The following SAMD5 variants were observed in gnomAD, a reference collection of about 807,000 sequenced individuals.
SAMD5 encodes sterile alpha motif domain containing 5, also known as sterile alpha motif domain-containing protein 5.
A neutral mutation model predicts 11.3 loss-of-function variants in SAMD5; 13 were observed. The observed-to-expected ratio is 1.15, with a 90% CI of 0.75 to 1.83. The LOEUF (loss-of-function observed/expected upper bound fraction) is 1.83. SAMD5 is among the 40% of genes most tolerant of loss of function. SAMD5 has a pLI of 0.00. For synonymous variants in SAMD5, 129 were observed against 111.3 expected (o/e 1.16, Z -1.00); for missense variants, 255 against 239.1 (o/e 1.07, Z -0.44).
chr6:147,598,147 C>A (rs1282953106), intron 1 of SAMD5, among the ~76,000 whole-genome samples: 2 of 150,778 alleles, frequency 1.3e-5, no homozygotes, highest in African/African-American at 4.9e-5. Flanking sequence ...ATTTTTGAGG[C>A]AAGGTCTGGC....
intron 1 of SAMD5, among the ~76,000 whole-genome samples, chr6:147,712,066 T>C (rs1313405656): frequency 2.0e-5 from 3 of 152,204 alleles, no homozygotes. Context: ...GATTGGAAAC[T>C]ATAAGAATTT....
chr6:147,846,019 A>G, the SAMD5 span, among the ~76,000 whole-genome samples: 1 of 152,144 alleles, frequency 6.6e-6, no homozygotes, highest in African/African-American at 2.4e-5. Context: ...CAGTTCATCC[A>G]TACTGTGGGA....
At chr6:147,941,810 T>G in the SAMD5 span, among the ~76,000 whole-genome samples, 1 of 152,138 alleles carries the variant, frequency 6.6e-6, no homozygotes. Context: ...TGGAAGTTAA[T>G]TTAGAATATT....
intron 1 of SAMD5, among the ~76,000 whole-genome samples, chr6:147,729,098 C>T (rs112949478): frequency 3.3e-5 from 5 of 152,266 alleles, no homozygotes; most frequent in East Asian, 1.9e-4. Context: ...GGCTTGCTGA[C>T]GGCAGCCCTC....
At chr6:147,931,587 C>T in the SAMD5 span, among the ~76,000 whole-genome samples, 471 of 151,876 alleles carry the variant, frequency 3.1e-3, 4 homozygotes, top group African/African-American at 0.011. Flanking sequence ...GTCACATTGA[C>T]GAATGCATTT....
At chr6:147,642,638 C>T (rs1562340822) in intron 1 of SAMD5, among the ~76,000 whole-genome samples, 1 of 152,138 alleles carries the variant, frequency 6.6e-6, no homozygotes, top group African/African-American at 2.4e-5. Flanking sequence ...CTTTCATTTT[C>T]CAGATAAGAA....
the SAMD5 span, among the ~76,000 whole-genome samples, chr6:147,845,927 G>A: frequency 6.6e-6 from 1 of 152,158 alleles, no homozygotes; most frequent in African/African-American, 2.4e-5. Context: ...AAGCATGGAT[G>A]TTCACAGAAA....
the SAMD5 span, among the ~76,000 whole-genome samples, chr6:147,902,372 C>T: frequency 6.6e-6 from 1 of 151,756 alleles, no homozygotes; most frequent in Non-Finnish European, 1.5e-5. Context: ...TTGAAAAATT[C>T]TTTGTTCCGC....
chr6:147,538,544 A>G (rs889119815), intron 1 of SAMD5, among the ~76,000 whole-genome samples: 1 of 152,200 alleles, frequency 6.6e-6, no homozygotes, highest in Admixed American at 6.5e-5. Context: ...GTGATTTTTA[A>G]CTATATACCG....
At chr6:147,633,643 A>G (rs1378064075) in intron 1 of SAMD5, among the ~76,000 whole-genome samples, 5 of 151,554 alleles carry the variant, frequency 3.3e-5, no homozygotes, top group Non-Finnish European at 7.4e-5. Flanking sequence ...CATGCAAAGT[A>G]TTGAACCCAA....
chr6:147,537,787 G>C (rs1281370462), intron 1 of SAMD5, among the ~76,000 whole-genome samples: 1 of 151,262 alleles, frequency 6.6e-6, no homozygotes, highest in African/African-American at 2.4e-5. Context: ...CCTTTTCTCT[G>C]ATAGAGGAGA....
chr6:147,939,566 T>C, the SAMD5 span, among the ~76,000 whole-genome samples: 4 of 152,154 alleles, frequency 2.6e-5, no homozygotes, highest in Non-Finnish European at 5.9e-5. Context: ...AGACAAAATA[T>C]GTATTTATCA....
the SAMD5 span, among the ~76,000 whole-genome samples, chr6:147,820,035 A>G: frequency 3.9e-5 from 6 of 152,126 alleles, no homozygotes; most frequent in African/African-American, 1.4e-4. Context: ...AGCATTTCCA[A>G]AGTCTATGGG....
chr6:147,737,976 C>T (rs1050024208), downstream of SAMD5, among the ~76,000 whole-genome samples: 4 of 151,952 alleles, frequency 2.6e-5, no homozygotes, highest in African/African-American at 7.3e-5. Flanking sequence ...AAAACAATAA[C>T]AGTTAAGATC....
Position 147,653,783 on chromosome 6 carries a change from C to T in SAMD5, c.163-83534C>T, listed in dbSNP as rs534440929. Among the ~76,000 whole-genome samples, 16 of 152,102 alleles carry T rather than the reference C, an allele frequency of 1.1e-4. No individual in the cohort carries two copies. The East Asian group carries it at 2.1e-3, about 20-fold the overall frequency. On this transcript the variant is annotated intron_variant, in intron 1 of 1. Coordinates refer to the SAMD5 transcript ENST00000566741. Reference sequence around the variant, plus strand: ...GCTTTGTTTTTTGTTTTTTCTGTTTCGATATGAAGCTGCTTTGTTCTTTCC... The same window carrying T: ...GCTTTGTTTTTTGTTTTTTCTGTTTTGATATGAAGCTGCTTTGTTCTTTCC...
chr6:147,599,456 A>G (rs1354099584), intron 1 of SAMD5, among the ~76,000 whole-genome samples: 2 of 152,246 alleles, frequency 1.3e-5, no homozygotes, highest in Non-Finnish European at 2.9e-5. Context: ...ATTCTAATCT[A>G]ATCTAGCCAT....
chr6:147,891,406 T>C, the SAMD5 span, among the ~76,000 whole-genome samples: 1 of 152,162 alleles, frequency 6.6e-6, no homozygotes. Flanking sequence ...GTGGATATCA[T>C]GTGGCATACT....
chr6:147,786,476 T>C, the SAMD5 span, among the ~76,000 whole-genome samples: 1 of 152,236 alleles, frequency 6.6e-6, no homozygotes, highest in Non-Finnish European at 1.5e-5. Context: ...GTGGTAAAGT[T>C]AGATGAATAT....
chr6:147,620,505 C>G (rs1789943189), intron 1 of SAMD5, among the ~76,000 whole-genome samples: 1 of 152,206 alleles, frequency 6.6e-6, no homozygotes, highest in African/African-American at 2.4e-5. Flanking sequence ...AAAGAATTTA[C>G]AGCAGTGAAG....
Sources: allele counts gnomAD v4.1 joint callset (sites outside exome capture counted in the v4.1 genomes callset), GRCh38; gene constraint gnomAD v4.1.1; transcripts MANE v1.5; gene names NCBI Gene and HGNC (gene_info 2026-07-23, HGNC 2026-07-21).